Variants in SKIC3 observed in about 807,000 individuals in gnomAD.
The protein encoded by SKIC3 is SKI3 subunit of superkiller complex.
At chr5:95,503,935 G>A in the SKIC3 span, 29 of 1,613,772 alleles carry the variant, frequency 1.8e-5, 1 homozygote, top group Middle Eastern at 4.1e-3. Context: ...ATTCACCAGT[G>A]GAACTAAGAA....
the SKIC3 span, among the ~76,000 whole-genome samples, chr5:95,552,233 T>C: frequency 1.3e-5 from 2 of 152,270 alleles, no homozygotes; most frequent in South Asian, 2.1e-4. Context: ...CAAACATGAG[T>C]ACCCTCTTCA....
At chr5:95,504,937 G>A in the SKIC3 span, among the ~76,000 whole-genome samples, 11 of 151,814 alleles carry the variant, frequency 7.2e-5, no homozygotes, top group African/African-American at 1.7e-4. Context: ...CCCGGGAGGC[G>A]GAGGTTGCAA....
the SKIC3 span, among the ~76,000 whole-genome samples, chr5:95,478,021 C>G: frequency 6.6e-6 from 1 of 151,962 alleles, no homozygotes; most frequent in African/African-American, 2.4e-5. Flanking sequence ...TTTGTTTCAC[C>G]AAGAAACAAA....
chr5:95,481,198 C>G, the SKIC3 span, among the ~76,000 whole-genome samples: 55,065 of 152,010 alleles, frequency 0.36, 12,400 homozygotes, highest in Non-Finnish European at 0.47. Context: ...TGTGTCCCCA[C>G]CCAAATCTCA....
chr5:95,483,455 T>C, the SKIC3 span, among the ~76,000 whole-genome samples: 9 of 152,320 alleles, frequency 5.9e-5, no homozygotes, highest in East Asian at 1.5e-3. Flanking sequence ...AGAGGGCACA[T>C]AGCAACTGTC....
the SKIC3 span, chr5:95,517,352 A>C: frequency 6.2e-7 from 1 of 1,600,518 alleles, no homozygotes. Context: ...GATTCTTACA[A>C]ATTATTTATA....
At chr5:95,519,451 G>C in the SKIC3 span, among the ~76,000 whole-genome samples, 17 of 151,972 alleles carry the variant, frequency 1.1e-4, no homozygotes, top group East Asian at 3.3e-3. Flanking sequence ...AATTATTGTG[G>C]TCATAACTAA....
chr5:95,529,188 T>G, the SKIC3 span: 1 of 1,089,410 alleles, frequency 9.2e-7, no homozygotes, highest in Non-Finnish European at 1.4e-6. Flanking sequence ...CAAATCAGAC[T>G]CCTCCCCTCT....
chr5:95,541,189 C>G, the SKIC3 span: 1 of 920,680 alleles, frequency 1.1e-6, no homozygotes, highest in Non-Finnish European at 1.8e-6. Context: ...TGGTCTCGAA[C>G]TCCCGACCTC....
the SKIC3 span, chr5:95,529,997 T>C: frequency 2.0e-6 from 3 of 1,518,966 alleles, no homozygotes; most frequent in Middle Eastern, 1.7e-4. Flanking sequence ...CCACCTTAGA[T>C]AGACATTCCT....
At chr5:95,489,086 A>G in the SKIC3 span, among the ~76,000 whole-genome samples, 2 of 152,280 alleles carry the variant, frequency 1.3e-5, no homozygotes, top group East Asian at 3.9e-4. Flanking sequence ...GGAGGCCAAA[A>G]CAGGAGGACT....
chr5:95,503,832 A>G, the SKIC3 span: 390 of 1,613,726 alleles, frequency 2.4e-4, no homozygotes, highest in Non-Finnish European at 3.2e-4. Flanking sequence ...CTCTCTTTAT[A>G]AAGCCCCTTC....
the SKIC3 span, among the ~76,000 whole-genome samples, chr5:95,485,631 G>T: frequency 6.6e-6 from 1 of 152,148 alleles, no homozygotes; most frequent in Non-Finnish European, 1.5e-5. Context: ...CCTCATAGAA[G>T]ATGTCAGAAG....
the SKIC3 span, among the ~76,000 whole-genome samples, chr5:95,467,305 T>C: frequency 1.2e-4 from 18 of 152,174 alleles, no homozygotes; most frequent in African/African-American, 4.1e-4. Flanking sequence ...ATTTTATTAC[T>C]GAAAATAAAA....
the SKIC3 span, among the ~76,000 whole-genome samples, chr5:95,499,723 T>G: frequency 1.3e-5 from 2 of 152,230 alleles, no homozygotes; most frequent in East Asian, 3.9e-4. Flanking sequence ...CTATTTGCTC[T>G]ATGGTATTGA....
chr5:95,551,678 T>C, the SKIC3 span, among the ~76,000 whole-genome samples: 2 of 152,210 alleles, frequency 1.3e-5, no homozygotes, highest in Non-Finnish European at 2.9e-5. Context: ...CTAGATCCTG[T>C]CAGCCCCTTT....
the SKIC3 span, among the ~76,000 whole-genome samples, chr5:95,519,136 C>T: frequency 2.5e-4 from 37 of 150,870 alleles, no homozygotes; most frequent in African/African-American, 3.6e-4. Flanking sequence ...CTACATTTAC[C>T]GAAACAAGAG....
At chr5:95,505,956 TAAAA>T in the SKIC3 span, among the ~76,000 whole-genome samples, 2 of 152,066 alleles carry the variant, frequency 1.3e-5, no homozygotes, top group African/African-American at 4.8e-5. Flanking sequence ...AAAGTAAACT[TAAAA>T]AAAATCTGTT....
At chr5:95,515,815 A>T in the SKIC3 span, among the ~76,000 whole-genome samples, 1 of 152,124 alleles carries the variant, frequency 6.6e-6, no homozygotes, top group African/African-American at 2.4e-5. Flanking sequence ...AGATTTATGG[A>T]AACTTTCCAA....
Sources: allele counts gnomAD v4.1 joint callset (sites outside exome capture counted in the v4.1 genomes callset), GRCh38; gene constraint gnomAD v4.1.1; transcripts MANE v1.5; gene names NCBI Gene and HGNC (gene_info 2026-07-23, HGNC 2026-07-21).